ABCG2: variants seen among roughly 807,000 people sequenced by gnomAD.
The protein encoded by ABCG2 is ATP binding cassette subfamily G member 2 (JR blood group).
In ABCG2, 80 loss-of-function variants were observed where a neutral mutation model predicts 73.5. The ratio of observed to expected loss-of-function variants is 1.09; its 90% CI spans 0.91 to 1.31. ABCG2 has a LOEUF of 1.31. Among genes scored for constraint, ABCG2 ranks in the 50% most tolerant of loss-of-function variants. The probability of loss-of-function intolerance (pLI) is 0.00; values close to 1 mark genes in which losing one functional copy is unlikely to be tolerated. For missense variants in ABCG2, 796 were observed against 786.2 expected, an observed-to-expected ratio of 1.01 and a Z score of -0.15; for synonymous variants, 269 against 282.4, an observed-to-expected ratio of 0.95 and a Z score of 0.48.
intron 1 of ABCG2, among the ~76,000 whole-genome samples, chr4:88,146,995 AAAG>A (rs1163882904): frequency 2.0e-5 from 3 of 150,024 alleles, no homozygotes; most frequent in Non-Finnish European, 4.4e-5. Flanking sequence ...AAAAAGAAAG[AAAG>A]AAGAAAGAGA....
intron 1 of ABCG2, among the ~76,000 whole-genome samples, chr4:88,170,567 C>A (rs1221466498): frequency 1.3e-5 from 2 of 152,234 alleles, no homozygotes; most frequent in African/African-American, 4.8e-5. Flanking sequence ...GCTACTAGGG[C>A]AAGCCCACGC....
chr4:88,094,042 A>G (rs1027121332), intron 15 of ABCG2, among the ~76,000 whole-genome samples: 1 of 152,188 alleles, frequency 6.6e-6, no homozygotes, highest in Non-Finnish European at 1.5e-5. Context: ...CTTTGATTTC[A>G]TGATGTCTTC....
chr4:88,096,857 C>A (rs908243802), intron 13 of ABCG2, among the ~76,000 whole-genome samples: 1 of 152,004 alleles, frequency 6.6e-6, no homozygotes, highest in Non-Finnish European at 1.5e-5. Flanking sequence ...TTTTAAAACA[C>A]TCTTTTTCAA....
At chr4:88,119,450 A>G (rs1723813775) in intron 6 of ABCG2, among the ~76,000 whole-genome samples, 1 of 152,232 alleles carries the variant, frequency 6.6e-6, no homozygotes, top group Non-Finnish European at 1.5e-5. Context: ...TGGAGGGCTA[A>G]GAAGAAGACA....
At chr4:88,110,481 T>G (rs1171627678) in intron 9 of ABCG2, among the ~76,000 whole-genome samples, 1 of 151,956 alleles carries the variant, frequency 6.6e-6, no homozygotes, top group Non-Finnish European at 1.5e-5. Flanking sequence ...AGGCGGAGGT[T>G]ACAGTGAGCC....
At chr4:88,118,028 C>T in intron 7 of ABCG2, 81 bp downstream of exon 7, 1 of 1,393,544 alleles carries the variant, frequency 7.2e-7, no homozygotes, top group Non-Finnish European at 9.7e-7. Flanking sequence ...AAAGACCAAA[C>T]AGCACTCCTG....
At chr4:88,097,319 A>C (rs756640000) in intron 13 of ABCG2, 134 bp downstream of exon 13, 2 of 954,486 alleles carry the variant, frequency 2.1e-6, no homozygotes, top group Non-Finnish European at 3.1e-6. Context: ...AATCTATTCC[A>C]GTAGATGGCC....
intron 1 of ABCG2, among the ~76,000 whole-genome samples, chr4:88,198,203 C>T (rs1729014053): frequency 2.0e-5 from 3 of 151,360 alleles, no homozygotes; most frequent in Non-Finnish European, 4.4e-5. Context: ...CATGGTGGCG[C>T]GTGCCTGTAA....
intron 1 of ABCG2, among the ~76,000 whole-genome samples, chr4:88,208,753 C>A (rs951758365): frequency 6.6e-5 from 10 of 152,136 alleles, no homozygotes; most frequent in Admixed American, 2.0e-4. Context: ...CTCAATCAAC[C>A]CAGACAAAGC....
At chr4:88,218,595 C>G (rs781754559) in intron 1 of ABCG2, among the ~76,000 whole-genome samples, 3 of 152,130 alleles carry the variant, frequency 2.0e-5, no homozygotes, top group Admixed American at 6.5e-5. Context: ...TCCCTCACCC[C>G]CTTCCCACCC....
chr4:88,128,941 C>T (rs1205265296), intron 5 of ABCG2, among the ~76,000 whole-genome samples: 1 of 152,108 alleles, frequency 6.6e-6, no homozygotes, highest in Non-Finnish European at 1.5e-5. Flanking sequence ...AAAAAAAGCA[C>T]CTGCTTTTAA....
chr4:88,181,051 G>A lies in ABCG2; in HGVS notation c.-19-41037C>T, dbSNP rs1445369585. On this transcript the variant is annotated intron_variant, in intron 1 of 15. Coordinates refer to the ABCG2 transcript ENST00000515655. ...AAAGTTAAGTGTAGCATTTTTATTA[G>A]TTTTCTCTTTGCTTGTTAGTTTGTT... Among the ~76,000 whole-genome samples the A allele has an allele frequency of 3.3e-5, 5 of 152,090 alleles. No individual in the cohort carries two copies. In the South Asian group the frequency reaches 1.0e-3, roughly 32 times the overall value.
At chr4:88,157,806 T>G (rs1373563237) in intron 1 of ABCG2, among the ~76,000 whole-genome samples, 1 of 152,186 alleles carries the variant, frequency 6.6e-6, no homozygotes, top group Non-Finnish European at 1.5e-5. Context: ...ATTCAAATGA[T>G]AAGAGAGCTG....
chr4:88,159,425 C>T, upstream of ABCG2: 1 of 346,824 alleles, frequency 2.9e-6, no homozygotes, highest in Non-Finnish European at 5.7e-6. Flanking sequence ...AGGGGAGAAA[C>T]TTACTGAATG....
chr4:88,190,046 A>G (rs1004021972), intron 1 of ABCG2, among the ~76,000 whole-genome samples: 2 of 152,228 alleles, frequency 1.3e-5, no homozygotes, highest in Non-Finnish European at 2.9e-5. Context: ...ATGAGTCATA[A>G]ATGCAAAGAA....
intron 2 of ABCG2, among the ~76,000 whole-genome samples, chr4:88,137,985 T>C (rs1725368870): frequency 1.3e-5 from 2 of 151,928 alleles, no homozygotes; most frequent in Admixed American, 6.6e-5. Context: ...GAAGACCCCA[T>C]CTCCACACAC....
At chr4:88,169,140 G>T (rs1727656482) in intron 1 of ABCG2, among the ~76,000 whole-genome samples, 1 of 151,804 alleles carries the variant, frequency 6.6e-6, no homozygotes, top group African/African-American at 2.4e-5. Context: ...TGGCCTCCTG[G>T]GTTCAAGCAA....
At chr4:88,108,249 G>C (rs554244317) in intron 9 of ABCG2, among the ~76,000 whole-genome samples, 1 of 152,146 alleles carries the variant, frequency 6.6e-6, no homozygotes, top group Non-Finnish European at 1.5e-5. Context: ...TGGGCTGGGC[G>C]TGGTGGCTCA....
At chr4:88,166,544 T>C (rs967819485) in intron 1 of ABCG2, among the ~76,000 whole-genome samples, 3 of 152,134 alleles carry the variant, frequency 2.0e-5, no homozygotes, top group African/African-American at 7.2e-5. Flanking sequence ...GGACCTAAGT[T>C]GGCAGAGGAA....
Sources: allele counts gnomAD v4.1 joint callset (sites outside exome capture counted in the v4.1 genomes callset), GRCh38; gene constraint gnomAD v4.1.1; transcripts MANE v1.5; gene names NCBI Gene and HGNC (gene_info 2026-07-23, HGNC 2026-07-21).